Variants in IL1RAPL1 observed in about 807,000 individuals in gnomAD.
IL1RAPL1 encodes interleukin 1 receptor accessory protein like 1.
In IL1RAPL1, 3 loss-of-function variants were observed where a neutral mutation model predicts 48.4. That is an observed-to-expected ratio of 0.06 (90% CI 0.03 to 0.16). The LOEUF (loss-of-function observed/expected upper bound fraction) is 0.16. IL1RAPL1 is among the 10% of genes least tolerant of loss of function. The probability of loss-of-function intolerance (pLI) is 1.00; values close to 1 mark genes in which losing one functional copy is unlikely to be tolerated. For synonymous variants in IL1RAPL1, 185 were observed against 187.7 expected, an observed-to-expected ratio of 0.99 and a Z score of 0.12; for missense variants, 349 against 530.6, an observed-to-expected ratio of 0.66 and a Z score of 3.36.
In IL1RAPL1 at chrX:28,590,109, A is replaced by AT. The variant is rs759314987; in HGVS notation, c.-25+2070dup. Among the ~76,000 whole-genome samples the AT allele has an allele frequency of 5.4e-5, 6 of 111,165 alleles. No homozygotes were observed. In the East Asian group the frequency reaches 8.5e-4, roughly 16 times the overall value. ...CCCTCATGTTTTATCTGGAGTTGTG[A>AT]TTTTTTTTAAAGAAGATACACATCA... On this transcript the variant is annotated intron_variant, in intron 1 of 10. Coordinates refer to ENST00000378993, the MANE Select transcript of IL1RAPL1 (RefSeq NM_014271.4).
At chrX:28,982,718 G>C (rs910637664) in intron 2 of IL1RAPL1, 1 of 112,140 alleles carries the variant, frequency 8.9e-6, no homozygotes, top group Admixed American at 9.5e-5. Flanking sequence ...CACAGGATCA[G>C]TGCTTCTGCC....
At chrX:28,818,977 A>G (rs1936900107) in intron 2 of IL1RAPL1, among the ~76,000 whole-genome samples, 1 of 110,673 alleles carries the variant, frequency 9.0e-6, no homozygotes. Context: ...TTAAAGCTAG[A>G]TGTCATAGTT....
At chrX:29,236,114 G>C (rs1830149432) in intron 2 of IL1RAPL1, among the ~76,000 whole-genome samples, 1 of 112,303 alleles carries the variant, frequency 8.9e-6, no homozygotes. Context: ...TCCACTGTTT[G>C]GGTTGCTATA....
intron 2 of IL1RAPL1, among the ~76,000 whole-genome samples, chrX:28,904,814 TA>T (rs1209087213): frequency 1.8e-5 from 2 of 112,191 alleles, no homozygotes; most frequent in Non-Finnish European, 3.8e-5. Flanking sequence ...ATAAAACAAA[TA>T]TATGCAATAG....
At chrX:29,605,004 T>C (rs1424501813) in intron 5 of IL1RAPL1, among the ~76,000 whole-genome samples, 1 of 108,411 alleles carries the variant, frequency 9.2e-6, no homozygotes, top group East Asian at 2.9e-4. Context: ...TATTACAGTT[T>C]GGCTAATGAA....
chrX:29,318,448 C>T (rs978396888), intron 3 of IL1RAPL1, among the ~76,000 whole-genome samples: 1 of 112,261 alleles, frequency 8.9e-6, no homozygotes, highest in African/African-American at 3.2e-5. Flanking sequence ...ATAAACCTGC[C>T]TATATCTGAT....
intron 2 of IL1RAPL1, among the ~76,000 whole-genome samples, chrX:28,811,707 A>T (rs1052206055): frequency 3.6e-5 from 4 of 111,312 alleles, no homozygotes; most frequent in African/African-American, 1.3e-4. Flanking sequence ...TCAGACCCAC[A>T]TATGTACCAA....
At chrX:29,670,723 T>C (rs1471398429) in intron 6 of IL1RAPL1, among the ~76,000 whole-genome samples, 2 of 112,312 alleles carry the variant, frequency 1.8e-5, no homozygotes, top group East Asian at 5.6e-4. Context: ...ATTTGGACTT[T>C]TCATTTTCTT....
intron 1 of IL1RAPL1, among the ~76,000 whole-genome samples, chrX:28,676,550 TG>T (rs1435502630): frequency 3.6e-5 from 4 of 111,064 alleles, no homozygotes; most frequent in Non-Finnish European, 5.7e-5. Context: ...CTGGCCAACG[TG>T]GCGAAACCCC....
chrX:29,110,375 A>C (rs776948601), intron 2 of IL1RAPL1, among the ~76,000 whole-genome samples: 17 of 112,070 alleles, frequency 1.5e-4, no homozygotes, highest in Admixed American at 5.7e-4. Flanking sequence ...CTGGAATTTA[A>C]CGATTTTACC....
intron 2 of IL1RAPL1, among the ~76,000 whole-genome samples, chrX:29,000,006 G>A (rs748254941): frequency 1.3e-4 from 14 of 111,477 alleles, no homozygotes; most frequent in Admixed American, 7.7e-4. Flanking sequence ...TAAGCCACTG[G>A]TAATTTTAAG....
At chrX:29,166,961 G>A (rs1213691696) in intron 2 of IL1RAPL1, among the ~76,000 whole-genome samples, 1 of 112,205 alleles carries the variant, frequency 8.9e-6, no homozygotes, top group African/African-American at 3.2e-5. Context: ...TTCAAAGACT[G>A]GGTTAGAATT....
chrX:29,184,210 C>T (rs1930206393), intron 2 of IL1RAPL1, among the ~76,000 whole-genome samples: 1 of 111,223 alleles, frequency 9.0e-6, no homozygotes, highest in African/African-American at 3.3e-5. Flanking sequence ...CATTTCTAGC[C>T]CATGAGTGCC....
chrX:29,478,809 T>C lies in IL1RAPL1; in HGVS notation c.703+79501T>C, dbSNP rs780198683. 6.3e-5 allele frequency among the ~76,000 whole-genome samples: 7 copies of C among 110,321 alleles called. No homozygotes were observed. In the East Asian group the frequency reaches 1.7e-3, roughly 27 times the overall value. On this transcript the variant is annotated intron_variant, in intron 5 of 10. Transcript: ENST00000378993. ...TCTTTCTCTTAGAGCTCCATGCAGT[T>C]CACATCACTGCCTCCCCGTCTCAGG... is the stretch of plus-strand genomic sequence containing the variant.
At chrX:29,383,442 C>T (rs1398928732) in intron 3 of IL1RAPL1, among the ~76,000 whole-genome samples, 2 of 112,110 alleles carry the variant, frequency 1.8e-5, no homozygotes, top group African/African-American at 6.5e-5. Flanking sequence ...ATACCTCTAA[C>T]ATAACTCTAT....
rs59952038 is a variant in IL1RAPL1, at chrX:29,738,450, C to CTTTT, written c.778+69961_778+69964dup. On this transcript the variant is annotated intron_variant, in intron 6 of 10. Transcript: ENST00000378993. ...TTCATTTCATTTTTTCTTTTCTTTT[C>CTTTT]TTTTTTTTTTTTTTTTTTGATTCAG... is the stretch of plus-strand genomic sequence containing the variant. Among the ~76,000 whole-genome samples, 539 of 86,009 alleles carry CTTTT rather than the reference C, an allele frequency of 6.3e-3. 5 individuals carry two copies. Among genetic ancestry groups the CTTTT allele is most frequent in the African/African-American group, 0.023 (496 of 21,173 alleles). 74.7% of individuals were successfully genotyped at this position (86,009 alleles called of 115,157 possible).
chrX:28,690,104 G>C (rs1935159571), intron 1 of IL1RAPL1, among the ~76,000 whole-genome samples: 1 of 111,225 alleles, frequency 9.0e-6, no homozygotes. Context: ...ATGGCAGAAT[G>C]CAGAGGGGGT....
chrX:29,940,539 A>G (rs1457532905), intron 8 of IL1RAPL1, among the ~76,000 whole-genome samples: 1 of 112,345 alleles, frequency 8.9e-6, no homozygotes, highest in Non-Finnish European at 1.9e-5. Context: ...TTTTCAAGGT[A>G]GTTGTCAACT....
chrX:29,372,676 T>C (rs1467453028), intron 3 of IL1RAPL1, among the ~76,000 whole-genome samples: 1 of 110,941 alleles, frequency 9.0e-6, no homozygotes, highest in African/African-American at 3.3e-5. Context: ...AGGAAGTCCG[T>C]TCCCCATTGC....
Sources: gnomAD v4.1 joint callset for allele counts (sites outside exome capture counted in the v4.1 genomes callset) on GRCh38, gnomAD v4.1.1 for gene constraint, MANE v1.5 for transcripts, NCBI Gene and HGNC (gene_info 2026-07-23, HGNC 2026-07-21) for gene names.